Variants in PACRG observed in about 807,000 individuals in gnomAD.
PACRG encodes the protein parkin coregulated.
Under a neutral mutation model 29.7 loss-of-function variants are expected in PACRG, and 29 were observed. The observed-to-expected ratio is 0.98, with a 90% CI of 0.73 to 1.33. The LOEUF is 1.33. Among genes scored for constraint, PACRG ranks in the 40% most tolerant of loss-of-function variants. The pLI is 0.00. For missense variants in PACRG, 279 were observed against 316.2 expected (o/e 0.88, Z 0.89); for synonymous variants, 116 against 118.7 (o/e 0.98, Z 0.15).
intron 2 of PACRG, among the ~76,000 whole-genome samples, chr6:162,976,596 T>C (rs75500502): frequency 1.4e-4 from 21 of 152,304 alleles, no homozygotes; most frequent in African/African-American, 4.3e-4. Flanking sequence ...GGAACAGCAG[T>C]GTGGTATCCA....
chr6:163,005,039 CTTGT>C (rs751381631), intron 2 of PACRG, among the ~76,000 whole-genome samples: 1 of 151,742 alleles, frequency 6.6e-6, no homozygotes, highest in Non-Finnish European at 1.5e-5. Context: ...GCTTGAATAG[CTTGT>C]TTGTTTCAAG....
intron 4 of PACRG, among the ~76,000 whole-genome samples, chr6:163,138,191 A>G (rs539435540): frequency 1.2e-3 from 176 of 152,372 alleles, no homozygotes; most frequent in African/African-American, 4.1e-3. Flanking sequence ...ACTTACCTGC[A>G]TTATAAAGCA....
chr6:163,022,070 A>T (rs1806680922), intron 2 of PACRG, among the ~76,000 whole-genome samples: 1 of 152,192 alleles, frequency 6.6e-6, no homozygotes, highest in Non-Finnish European at 1.5e-5. Flanking sequence ...GGCCACACAC[A>T]TTCACTTGGC....
At chr6:163,143,498 G>A (rs1777639056) in intron 4 of PACRG, among the ~76,000 whole-genome samples, 1 of 152,188 alleles carries the variant, frequency 6.6e-6, no homozygotes, top group Non-Finnish European at 1.5e-5. Context: ...TGTTGCTTTA[G>A]CGCAGAGTTC....
chr6:162,889,196 G>A (rs761939661), intron 2 of PACRG, among the ~76,000 whole-genome samples: 2 of 152,058 alleles, frequency 1.3e-5, no homozygotes, highest in South Asian at 2.1e-4. Context: ...TCAAAGTCAT[G>A]AAGAACTGTA....
At chr6:163,282,398 T>C (rs1389740494) in intron 4 of PACRG, among the ~76,000 whole-genome samples, 1 of 152,212 alleles carries the variant, frequency 6.6e-6, no homozygotes, top group Non-Finnish European at 1.5e-5. Flanking sequence ...TATTTATTTC[T>C]CTTATCTCTT....
intron 1 of PACRG, among the ~76,000 whole-genome samples, chr6:162,733,308 A>G (rs919503077): frequency 6.6e-6 from 1 of 152,096 alleles, no homozygotes; most frequent in Admixed American, 6.5e-5. Flanking sequence ...CTCATGTTTT[A>G]TCTCCTTATG....
intron 4 of PACRG, among the ~76,000 whole-genome samples, chr6:163,089,817 C>T (rs888825138): frequency 6.6e-6 from 1 of 152,052 alleles, no homozygotes; most frequent in Non-Finnish European, 1.5e-5. Flanking sequence ...AATTTTTAAG[C>T]ACTATTATTA....
chr6:163,179,224 C>T (rs982257449), intron 4 of PACRG: 1 of 455,886 alleles, frequency 2.2e-6, no homozygotes, highest in Non-Finnish European at 4.4e-6. Context: ...AGGCTGGGCT[C>T]CTCCGTAGGT....
At chr6:162,782,732 C>A (rs189461104) in intron 1 of PACRG, among the ~76,000 whole-genome samples, 2 of 151,640 alleles carry the variant, frequency 1.3e-5, no homozygotes, top group Non-Finnish European at 3.0e-5. Context: ...GAAAAATGGA[C>A]CATATTAACT....
chr6:163,280,962 A>T (rs1235525945), intron 4 of PACRG, among the ~76,000 whole-genome samples: 9 of 152,186 alleles, frequency 5.9e-5, no homozygotes, highest in Non-Finnish European at 1.2e-4. Flanking sequence ...GAGAAGTAGA[A>T]TTAAAATCAC....
At chr6:162,749,609 C>T (rs1781364276) in intron 1 of PACRG, among the ~76,000 whole-genome samples, 1 of 152,124 alleles carries the variant, frequency 6.6e-6, no homozygotes, top group South Asian at 2.1e-4. Flanking sequence ...CAACCTCCAC[C>T]TCCCGGGTTC....
At chr6:162,804,409 T>C (rs1786142190) in intron 1 of PACRG, among the ~76,000 whole-genome samples, 1 of 152,084 alleles carries the variant, frequency 6.6e-6, no homozygotes, top group Admixed American at 6.5e-5. Flanking sequence ...GACAAAGAGA[T>C]TGGGGGTTAA....
At chr6:162,955,044 C>G (rs1391541091) in intron 2 of PACRG, among the ~76,000 whole-genome samples, 2 of 152,160 alleles carry the variant, frequency 1.3e-5, no homozygotes, top group African/African-American at 2.4e-5. Flanking sequence ...ATAACCATTA[C>G]TCCCTGTTTC....
chr6:163,258,493 C>G (rs954611870), intron 4 of PACRG, among the ~76,000 whole-genome samples: 6 of 152,122 alleles, frequency 3.9e-5, no homozygotes, highest in Admixed American at 1.3e-4. Context: ...CGCAGTGGCT[C>G]ACGCCTATAA....
chr6:162,728,075 G>A lies in PACRG; in HGVS notation c.-161G>A. 1 of 863,354 alleles carries A rather than the reference G, an allele frequency of 1.2e-6. No homozygotes were observed. The highest frequency in any genetic ancestry group is 1.8e-6 in the Non-Finnish European group (1 of 552,856). The allele number at this position is 863,354 out of a possible 1,614,324, so 53.5% of individuals were successfully genotyped here. ...CCTAGGGTCCAGCTCCCTTCACCTA[G>A]GAGCTGCCAAACATCTGGATCAACC... On this transcript the variant is annotated 5_prime_UTR_variant, in exon 1 of 5. Transcript: ENST00000366888.
At chr6:162,957,365 G>A (rs1800129790) in intron 2 of PACRG, 1 of 618,428 alleles carries the variant, frequency 1.6e-6, no homozygotes, top group Non-Finnish European at 2.8e-6. Flanking sequence ...CTGCTGACAT[G>A]TTTTTTTGTT....
chr6:163,142,287 A>G (rs946525979), intron 4 of PACRG, among the ~76,000 whole-genome samples: 3 of 152,216 alleles, frequency 2.0e-5, no homozygotes, highest in Non-Finnish European at 4.4e-5. Flanking sequence ...TGAAATAGCA[A>G]ATAAAATACA....
chr6:162,946,445 G>T (rs1799015135), intron 2 of PACRG, among the ~76,000 whole-genome samples: 1 of 151,852 alleles, frequency 6.6e-6, no homozygotes, highest in South Asian at 2.1e-4. Flanking sequence ...GAATCAGAAA[G>T]AAATACAAAA....
Sources: allele counts gnomAD v4.1 joint callset (sites outside exome capture counted in the v4.1 genomes callset), GRCh38; gene constraint gnomAD v4.1.1; transcripts MANE v1.5; gene names NCBI Gene and HGNC (gene_info 2026-07-23, HGNC 2026-07-21).